The following VDAC1 variants were observed in gnomAD, a reference collection of about 807,000 sequenced individuals.
VDAC1 encodes the protein voltage dependent anion channel 1.
Under a neutral mutation model 34.7 loss-of-function variants are expected in VDAC1, and 10 were observed. The ratio of observed to expected loss-of-function variants is 0.29; its 90% CI spans 0.18 to 0.49. VDAC1 has a LOEUF of 0.49. Ranked by LOEUF, VDAC1 falls within the 20% of genes least tolerant of loss-of-function variation. The pLI is 0.99. For missense variants in VDAC1, 230 were observed against 347.9 expected (o/e 0.66, Z 2.69); for synonymous variants, 130 against 136.0 (o/e 0.96, Z 0.30).
rs772012306 is a variant in VDAC1, at chr5:133,980,794, G to A, written c.486C>T (p.Ser162=). The A allele has an allele frequency of 2.5e-6, 4 of 1,611,430 alleles. No homozygotes were observed. Among genetic ancestry groups the A allele is most frequent in the East Asian group, 2.2e-5 (1 of 44,782 alleles). ...CTGCAAAGTTGCTCTGGGTCACTCGGGATTTTGCAGTCTCAAAATTCATCT... is the reference window on the plus strand; with the variant it reads ...CTGCAAAGTTGCTCTGGGTCACTCGAGATTTTGCAGTCTCAAAATTCATCT... The part of the protein sequence containing the change: ...GYQMNFETAK[S]RVTQSNFAVG... The change falls in exon 6 of 9, where the codon TCC becomes TCT. Residue 162 remains serine (S), a synonymous_variant. Coordinates refer to ENST00000265333, the MANE Select transcript of VDAC1 (RefSeq NM_003374.3).
chr5:134,038,872 C>T, the VDAC1 span, among the ~76,000 whole-genome samples: 2 of 102,954 alleles, frequency 1.9e-5, no homozygotes, highest in Non-Finnish European at 3.7e-5. Context: ...TAAATGTTAT[C>T]ATTGAGATAG....
chr5:134,076,198 T>C, the VDAC1 span, among the ~76,000 whole-genome samples: 5,781 of 151,762 alleles, frequency 0.038, 362 homozygotes, highest in African/African-American at 0.13. Context: ...AGGCTGGTCT[T>C]GAACTCCTGA....
At chr5:134,048,399 T>C in the VDAC1 span, among the ~76,000 whole-genome samples, 1 of 152,144 alleles carries the variant, frequency 6.6e-6, no homozygotes, top group African/African-American at 2.4e-5. Flanking sequence ...CCCGAGTACC[T>C]GGGACTACAG....
At chr5:134,038,522 A>G in the VDAC1 span, among the ~76,000 whole-genome samples, 37 of 152,180 alleles carry the variant, frequency 2.4e-4, no homozygotes, top group African/African-American at 8.7e-4. Context: ...CCCCTCCCTC[A>G]ATCCCACCCC....
chr5:134,061,722 A>G, the VDAC1 span, among the ~76,000 whole-genome samples: 1 of 151,312 alleles, frequency 6.6e-6, no homozygotes, highest in Non-Finnish European at 1.5e-5. Context: ...TAAAGTTGCA[A>G]TTTTTTCTTC....
chr5:134,058,775 G>A, the VDAC1 span, among the ~76,000 whole-genome samples: 2 of 152,134 alleles, frequency 1.3e-5, no homozygotes, highest in East Asian at 3.9e-4. Context: ...AGCAAGCAGG[G>A]CCTTCCTGAG....
At chr5:134,057,117 C>T in the VDAC1 span, among the ~76,000 whole-genome samples, 1 of 152,072 alleles carries the variant, frequency 6.6e-6, no homozygotes. Context: ...GGTGGATCAC[C>T]TGACATCAGG....
rs138139627 is a variant in VDAC1 at position 133,998,287 on chromosome 5, G to A, written c.-6-5269C>T. Among the ~76,000 whole-genome samples, 345 of 152,274 alleles carry A rather than the reference G, an allele frequency of 2.3e-3. 3 individuals are homozygous for A. The highest frequency in any genetic ancestry group is 8.0e-3 in the African/African-American group (333 of 41,562). ...GGAGAAGGAGGTTTAGGGAAGGAAT[G>A]CACTTCAAATCGAATTTTCATTTTT... On this transcript the variant is annotated intron_variant, in intron 1 of 8. Coordinates refer to ENST00000265333, the MANE Select transcript of VDAC1 (RefSeq NM_003374.3).
the VDAC1 span, among the ~76,000 whole-genome samples, chr5:134,043,615 C>G: frequency 6.6e-6 from 1 of 152,070 alleles, no homozygotes; most frequent in African/African-American, 2.4e-5. Flanking sequence ...TCACTGCAGC[C>G]TCAACCTCCA....
At chr5:134,073,011 C>T in the VDAC1 span, among the ~76,000 whole-genome samples, 1 of 152,004 alleles carries the variant, frequency 6.6e-6, no homozygotes. Context: ...CGGGGGTGGG[C>T]GGTTGGATGC....
chr5:134,006,154 T>C (rs1753744919), upstream of VDAC1, among the ~76,000 whole-genome samples: 1 of 151,848 alleles, frequency 6.6e-6, no homozygotes, highest in Non-Finnish European at 1.5e-5. Flanking sequence ...TGACTGGGAA[T>C]GTAAGGAAGA....
chr5:134,079,831 C>T, the VDAC1 span, among the ~76,000 whole-genome samples: 2 of 152,304 alleles, frequency 1.3e-5, no homozygotes, highest in East Asian at 3.9e-4. Flanking sequence ...AACTTTCACC[C>T]CAAGAAACCC....
At chr5:134,099,268 G>A in the VDAC1 span, among the ~76,000 whole-genome samples, 1 of 152,166 alleles carries the variant, frequency 6.6e-6, no homozygotes, top group Non-Finnish European at 1.5e-5. Flanking sequence ...GGGGAGGGTG[G>A]CTCCGGCTTA....
chr5:134,039,167 G>A, the VDAC1 span, among the ~76,000 whole-genome samples: 10 of 152,056 alleles, frequency 6.6e-5, no homozygotes, highest in South Asian at 1.7e-3. Context: ...CTTGCCTGTG[G>A]GCCAAGACCA....
intron 6 of VDAC1, among the ~76,000 whole-genome samples, chr5:133,980,468 A>T (rs1468717965): frequency 1.3e-5 from 2 of 152,110 alleles, no homozygotes; most frequent in African/African-American, 2.4e-5. Context: ...TGCTGTAATT[A>T]ATCAGCCACT....
the VDAC1 span, among the ~76,000 whole-genome samples, chr5:134,019,717 C>T: frequency 6.6e-6 from 1 of 152,184 alleles, no homozygotes; most frequent in African/African-American, 2.4e-5. Context: ...CACAGCTGCC[C>T]CAACCCCCAT....
chr5:134,023,532 T>C, the VDAC1 span, among the ~76,000 whole-genome samples: 2 of 150,700 alleles, frequency 1.3e-5, no homozygotes, highest in African/African-American at 4.9e-5. Flanking sequence ...CCATGGCAGA[T>C]AAATAAATAT....
At chr5:134,004,119 C>T (rs1489850059) in intron 1 of VDAC1, among the ~76,000 whole-genome samples, 1 of 152,224 alleles carries the variant, frequency 6.6e-6, no homozygotes, top group East Asian at 1.9e-4. Context: ...GCGCCAGCTT[C>T]TGCGGGCGTG....
At chr5:133,989,706 A>G (rs1423228993) in intron 5 of VDAC1, among the ~76,000 whole-genome samples, 1 of 148,052 alleles carries the variant, frequency 6.8e-6, no homozygotes, top group African/African-American at 2.5e-5. Flanking sequence ...CTTCTTGCCC[A>G]GGGTGCAGTG....
Sources: allele counts gnomAD v4.1 joint callset (sites outside exome capture counted in the v4.1 genomes callset), GRCh38; gene constraint gnomAD v4.1.1; transcripts MANE v1.5; gene names NCBI Gene and HGNC (gene_info 2026-07-23, HGNC 2026-07-21).